SLC24A2: variants seen among roughly 807,000 people sequenced by gnomAD.
SLC24A2 encodes sodium/potassium/calcium exchanger 2.
A neutral mutation model predicts 62.0 loss-of-function variants in SLC24A2; 36 were observed. That is an observed-to-expected ratio of 0.58 (90% confidence interval 0.44 to 0.77). The LOEUF (loss-of-function observed/expected upper bound fraction) is 0.77, where lower values mean the gene tolerates loss of function less well. SLC24A2 is among the 30% of genes least tolerant of loss of function. The pLI is 0.00. For synonymous variants in SLC24A2, 358 were observed against 294.0 expected (o/e 1.22, Z -2.23); for missense variants, 846 against 817.9 (o/e 1.03, Z -0.42).
chr9:20,102,436 G>T, the SLC24A2 span, among the ~76,000 whole-genome samples: 1 of 132,450 alleles, frequency 7.6e-6, no homozygotes, highest in Non-Finnish European at 1.6e-5. Context: ...AGTGGGAGTT[G>T]AACATTGAGA....
the SLC24A2 span, among the ~76,000 whole-genome samples, chr9:20,261,510 T>A: frequency 6.6e-6 from 1 of 151,976 alleles, no homozygotes; most frequent in African/African-American, 2.4e-5. Flanking sequence ...ACAACACTCA[T>A]CCATTCATGA....
chr9:19,901,802 A>T, the SLC24A2 span, among the ~76,000 whole-genome samples: 2 of 152,150 alleles, frequency 1.3e-5, no homozygotes, highest in African/African-American at 2.4e-5. Context: ...AGCTACTGAG[A>T]TAAGTCTCTT....
At chr9:20,201,430 T>C in the SLC24A2 span, among the ~76,000 whole-genome samples, 1 of 152,096 alleles carries the variant, frequency 6.6e-6, no homozygotes, top group African/African-American at 2.4e-5. Flanking sequence ...CTGGCTCCTG[T>C]CCACTTCTGT....
At chr9:19,808,738 T>C in the SLC24A2 span, among the ~76,000 whole-genome samples, 3 of 152,308 alleles carry the variant, frequency 2.0e-5, no homozygotes, top group East Asian at 5.8e-4. The surrounding 1 kb of genome is among the most constrained non-coding windows in gnomAD (Gnocchi z 4.1). Context: ...CCAGTTCCAT[T>C]CCCTGCTTAA....
At chr9:19,782,976 A>AGT (rs1286176003) in intron 2 of SLC24A2, among the ~76,000 whole-genome samples, 1 of 152,180 alleles carries the variant, frequency 6.6e-6, no homozygotes, top group Admixed American at 6.5e-5. Context: ...TAAAAAGGGT[A>AGT]GTAGCATCAC....
chr9:19,953,311 A>G, the SLC24A2 span, among the ~76,000 whole-genome samples: 1 of 152,058 alleles, frequency 6.6e-6, no homozygotes, highest in Non-Finnish European at 1.5e-5. Context: ...GAAGCACATG[A>G]AAACATATGG....
the SLC24A2 span, among the ~76,000 whole-genome samples, chr9:19,818,067 G>T: frequency 2.0e-5 from 3 of 152,060 alleles, no homozygotes; most frequent in South Asian, 6.2e-4. Context: ...CTTTAAATAT[G>T]TACCTTTACT....
At chr9:20,255,774 AG>A in the SLC24A2 span, among the ~76,000 whole-genome samples, 4 of 152,228 alleles carry the variant, frequency 2.6e-5, no homozygotes, top group Non-Finnish European at 4.4e-5. Context: ...GAACACATTC[AG>A]GTTAAAAGGA....
At chr9:19,965,226 T>C in the SLC24A2 span, among the ~76,000 whole-genome samples, 18 of 152,186 alleles carry the variant, frequency 1.2e-4, 1 homozygote, top group East Asian at 2.9e-3. Flanking sequence ...ACCCCAGCAC[T>C]GACCAATCAG....
the SLC24A2 span, among the ~76,000 whole-genome samples, chr9:19,865,565 T>G: frequency 6.6e-6 from 1 of 152,106 alleles, no homozygotes; most frequent in Non-Finnish European, 1.5e-5. Flanking sequence ...AGTGAACTCC[T>G]TTTTCACAAA....
chr9:20,294,618 C>T, the SLC24A2 span, among the ~76,000 whole-genome samples: 1 of 152,154 alleles, frequency 6.6e-6, no homozygotes, highest in Non-Finnish European at 1.5e-5. Context: ...ATAGGCCCTT[C>T]AGTTCTTTTA....
chr9:19,858,580 A>C, the SLC24A2 span, among the ~76,000 whole-genome samples: 1 of 152,230 alleles, frequency 6.6e-6, no homozygotes, highest in Non-Finnish European at 1.5e-5. Context: ...ATGGGAGAAA[A>C]TATCTGCAAA....
the SLC24A2 span, among the ~76,000 whole-genome samples, chr9:19,938,260 A>C: frequency 6.6e-6 from 1 of 152,182 alleles, no homozygotes; most frequent in Non-Finnish European, 1.5e-5. Flanking sequence ...TTCATTTCAA[A>C]AAACATGATA....
Position 19,525,453 on chromosome 9 carries a change from G to C in SLC24A2, c.1569+2596C>G, listed in dbSNP as rs985942899. ...GGGTCTTACTCTGCCACCCATGCTG[G>C]AGTGCAGTGGTGTGATCTTGGCTCA... On this transcript the variant is annotated intron_variant, in intron 9 of 10. Coordinates refer to ENST00000341998, the MANE Select transcript of SLC24A2 (RefSeq NM_020344.4). Among the ~76,000 whole-genome samples, 16 of 137,960 alleles carry C rather than the reference G, an allele frequency of 1.2e-4. No individual in the cohort carries two copies. In the South Asian group the frequency reaches 3.4e-3, roughly 30 times the overall value. 90.5% of individuals were successfully genotyped at this position (137,960 alleles called of 152,430 possible).
At chr9:19,924,954 A>G in the SLC24A2 span, among the ~76,000 whole-genome samples, 1 of 152,194 alleles carries the variant, frequency 6.6e-6, no homozygotes, top group East Asian at 1.9e-4. Flanking sequence ...GTACTCTTGA[A>G]AGTCAGGCTT....
At chr9:19,917,801 G>A in the SLC24A2 span, among the ~76,000 whole-genome samples, 58 of 152,084 alleles carry the variant, frequency 3.8e-4, no homozygotes, top group Middle Eastern at 3.4e-3. Context: ...TAGTTATTAC[G>A]TTGTCTCTTC....
At chr9:20,032,332 A>G in the SLC24A2 span, among the ~76,000 whole-genome samples, 1 of 152,242 alleles carries the variant, frequency 6.6e-6, no homozygotes, top group Non-Finnish European at 1.5e-5. Context: ...ACAGCAATTA[A>G]GCCACCAGCA....
intron 4 of SLC24A2, among the ~76,000 whole-genome samples, chr9:19,600,722 C>T (rs1836819429): frequency 6.6e-6 from 1 of 152,048 alleles, no homozygotes; most frequent in South Asian, 2.1e-4. Context: ...TGATTTCTGT[C>T]TTGTGAGGAG....
At chr9:20,090,128 C>T in the SLC24A2 span, among the ~76,000 whole-genome samples, 2 of 152,140 alleles carry the variant, frequency 1.3e-5, no homozygotes, top group Middle Eastern at 3.2e-3. Flanking sequence ...CTCTGTCTCC[C>T]ATGGCTCCTA....
Sources: gnomAD v4.1 joint callset for allele counts (sites outside exome capture counted in the v4.1 genomes callset) on GRCh38, gnomAD v4.1.1 for gene constraint, Gnocchi (gnomAD v3.1) non-coding constraint, MANE v1.5 for transcripts, NCBI Gene and HGNC (gene_info 2026-07-23, HGNC 2026-07-21) for gene names.